PLPP4: variants seen among roughly 807,000 people sequenced by gnomAD.
The protein encoded by PLPP4 is phospholipid phosphatase 4.
Under a neutral mutation model 32.2 loss-of-function variants are expected in PLPP4, and 20 were observed. The observed-to-expected ratio is 0.62, with a 90% CI of 0.44 to 0.90. The LOEUF is 0.90. Among genes scored for constraint, PLPP4 ranks in the 40% least tolerant of loss-of-function variants. PLPP4 has a pLI of 0.00. For synonymous variants in PLPP4, 127 were observed against 133.0 expected (o/e 0.95, Z 0.31); for missense variants, 257 against 353.1 (o/e 0.73, Z 2.18).
chr10:120,512,697 C>T (rs1022389866), intron 2 of PLPP4, among the ~76,000 whole-genome samples: 24 of 152,264 alleles, frequency 1.6e-4, no homozygotes, highest in African/African-American at 5.3e-4. Flanking sequence ...CCTGTAGTCC[C>T]AGCTACTCAG....
chr10:120,548,409 T>C (rs1847735127), intron 5 of PLPP4, among the ~76,000 whole-genome samples: 1 of 152,192 alleles, frequency 6.6e-6, no homozygotes. Context: ...GGACATGATC[T>C]CATTCTTTTT....
rs1393981401 is a variant in PLPP4 at position 120,590,545 on chromosome 10, A to G, written c.*1043A>G. ...AGAAGGTACAAGAACAGAATCAGGA[A>G]TGTGCTGTGTCTCTCGCTCAGCTCT... On this transcript the variant is annotated 3_prime_UTR_variant, in exon 7 of 7. Coordinates refer to ENST00000398250, the MANE Select transcript of PLPP4 (RefSeq NM_001030059.3). 6.6e-6 allele frequency among the ~76,000 whole-genome samples: 1 copy of G among 152,188 alleles called. No homozygotes were observed. The highest frequency in any genetic ancestry group is 1.5e-5 in the Non-Finnish European group (1 of 68,038).
chr10:120,591,980 C>T lies in PLPP4; in HGVS notation c.*2478C>T, dbSNP rs1419347048. ...AGTTCACAAAAGGCAGGCATTTTTA[C>T]AGATCCTTATGTTTCAATTTCATGC... On this transcript the variant is annotated 3_prime_UTR_variant, in exon 7 of 7. Coordinates refer to ENST00000398250, the MANE Select transcript of PLPP4 (RefSeq NM_001030059.3). Among the ~76,000 whole-genome samples, 8 of 152,174 alleles carry T rather than the reference C, an allele frequency of 5.3e-5. No homozygotes were observed. The highest frequency in any genetic ancestry group is 1.9e-4 in the African/African-American group (8 of 41,442).
chr10:120,589,869 G>T lies in PLPP4; in HGVS notation c.*367G>T. 5.1e-6 allele frequency: 1 copy of T among 194,578 alleles called. No individual in the cohort carries two copies. The highest frequency in any genetic ancestry group is 5.9e-5 in the Admixed American group (1 of 17,076). The allele number at this position is 194,578 out of a possible 1,614,324, so 12.1% of individuals were successfully genotyped here. On this transcript the variant is annotated 3_prime_UTR_variant, in exon 7 of 7. Coordinates refer to ENST00000398250, the MANE Select transcript of PLPP4 (RefSeq NM_001030059.3). The stretch of plus-strand genomic sequence containing the variant: ...TGGAAGACTTGGTGTTGGCCACCCA[G>T]CGCAACAAGTCATTTGGAGATGCAG...
At chr10:120,469,522 C>T (rs1035513272) in intron 1 of PLPP4, among the ~76,000 whole-genome samples, 1 of 152,108 alleles carries the variant, frequency 6.6e-6, no homozygotes, top group African/African-American at 2.4e-5. Context: ...ACACCGTGCC[C>T]GGCCGCAACT....
At chr10:120,472,441 TAA>T (rs1848560131) in intron 1 of PLPP4, among the ~76,000 whole-genome samples, 1 of 152,186 alleles carries the variant, frequency 6.6e-6, no homozygotes, top group Non-Finnish European at 1.5e-5. Context: ...TTTCTGATGA[TAA>T]GTCAGCTTCT....
At chr10:120,460,143 CAG>C (rs1449658721) in intron 1 of PLPP4, among the ~76,000 whole-genome samples, 2 of 152,066 alleles carry the variant, frequency 1.3e-5, no homozygotes, top group Non-Finnish European at 2.9e-5. Context: ...TTTAACATAA[CAG>C]AAGATAAATT....
intron 5 of PLPP4, among the ~76,000 whole-genome samples, chr10:120,522,208 C>T (rs1846184548): frequency 6.6e-6 from 1 of 152,172 alleles, no homozygotes; most frequent in South Asian, 2.1e-4. Flanking sequence ...ATTTTAGTTT[C>T]TTTTTTCCCT....
At chr10:120,464,694 A>G (rs936989831) in intron 1 of PLPP4, among the ~76,000 whole-genome samples, 1 of 152,180 alleles carries the variant, frequency 6.6e-6, no homozygotes, top group Non-Finnish European at 1.5e-5. Flanking sequence ...ATTAGATAAC[A>G]TACTAGAAAA....
intron 5 of PLPP4, among the ~76,000 whole-genome samples, chr10:120,533,538 AT>A (rs953330865): frequency 2.6e-4 from 39 of 152,176 alleles, no homozygotes; most frequent in Non-Finnish European, 5.0e-4. Context: ...AAATTTATCT[AT>A]TTTTCCCCTT....
chr10:120,521,049 T>C lies in PLPP4; in HGVS notation c.399T>C (p.Asp133=). 1 of 1,614,160 alleles carries C rather than the reference T, an allele frequency of 6.2e-7. No individual in the cohort carries two copies. Among genetic ancestry groups the C allele is most frequent in the Non-Finnish European group, 8.5e-7 (1 of 1,180,012 alleles). The change falls in exon 5 of 7, where the codon GAT becomes GAC. Residue 133 remains aspartate, a synonymous_variant. Transcript: ENST00000398250. ...NSEMHCTGDP[D]LVSEGRKSFP... ...AAATGCATTGCACAGGTGACCCCGATCTGGTGTCCGAGGGCCGCAAAAGCT... is the reference window on the plus strand; with the variant it reads ...AAATGCATTGCACAGGTGACCCCGACCTGGTGTCCGAGGGCCGCAAAAGCT...
At chr10:120,584,033 T>C (rs1849640993) in intron 6 of PLPP4, among the ~76,000 whole-genome samples, 2 of 152,208 alleles carry the variant, frequency 1.3e-5, no homozygotes, top group South Asian at 2.1e-4. Flanking sequence ...TCAATTTGTG[T>C]CCTGTAGTCT....
At chr10:120,522,417 T>G (rs1359628398) in intron 5 of PLPP4, among the ~76,000 whole-genome samples, 1 of 152,126 alleles carries the variant, frequency 6.6e-6, no homozygotes, top group African/African-American at 2.4e-5. Context: ...TTGTCCCAGT[T>G]TTACACATAA....
intron 1 of PLPP4, among the ~76,000 whole-genome samples, chr10:120,465,030 T>C (rs568197982): frequency 1.2e-4 from 19 of 152,324 alleles, no homozygotes; most frequent in African/African-American, 4.3e-4. Flanking sequence ...AAAAGAAGCA[T>C]ATGGTTTCAT....
intron 5 of PLPP4, among the ~76,000 whole-genome samples, chr10:120,557,231 T>C (rs371456484): frequency 6.6e-6 from 1 of 152,072 alleles, no homozygotes; most frequent in Non-Finnish European, 1.5e-5. Flanking sequence ...ATTAGAAAAA[T>C]AAAATAGCAA....
intron 1 of PLPP4, among the ~76,000 whole-genome samples, chr10:120,472,189 G>C (rs955499772): frequency 6.6e-6 from 1 of 151,902 alleles, no homozygotes; most frequent in African/African-American, 2.4e-5. Context: ...TTATCAGTTC[G>C]GTTAGATTTG....
chr10:120,498,625 A>G (rs191264810), intron 1 of PLPP4, among the ~76,000 whole-genome samples: 1 of 150,992 alleles, frequency 6.6e-6, no homozygotes, highest in Non-Finnish European at 1.5e-5. Flanking sequence ...GCCCTGAGTT[A>G]TGTACATAGA....
chr10:120,457,482 T>G, intron 1 of PLPP4, 121 bp downstream of exon 1: 1 of 794,658 alleles, frequency 1.3e-6, no homozygotes, highest in East Asian at 3.5e-5. Context: ...TCGAGGTCCC[T>G]TCCCCGCCAA....
Position 120,541,633 on chromosome 10 carries a change from T to C in PLPP4, c.445+20538T>C, listed in dbSNP as rs528894913. Among the ~76,000 whole-genome samples, 11 of 152,314 alleles carry C rather than the reference T, an allele frequency of 7.2e-5. No homozygotes were observed. The East Asian group carries it at 9.7e-4, about 13-fold the overall frequency. ...GGAGTGGTTCTCATGTCTCCACTTA[T>C]GGTATTAATTTGATTCTGAGTACAG... On this transcript the variant is annotated intron_variant, in intron 5 of 6. Coordinates refer to ENST00000398250, the MANE Select transcript of PLPP4 (RefSeq NM_001030059.3).
Sources: gnomAD v4.1 joint callset for allele counts (sites outside exome capture counted in the v4.1 genomes callset) on GRCh38, gnomAD v4.1.1 for gene constraint, MANE v1.5 for transcripts, NCBI Gene and HGNC (gene_info 2026-07-23, HGNC 2026-07-21) for gene names.